KCNH7: variants seen among roughly 807,000 people sequenced by gnomAD.
KCNH7 encodes potassium voltage-gated channel subfamily H member 7.
Under a neutral mutation model 120.8 loss-of-function variants are expected in KCNH7, and 49 were observed. That is an observed-to-expected ratio of 0.41 (90% CI 0.32 to 0.51). The LOEUF (loss-of-function observed/expected upper bound fraction) is 0.51, where lower values mean the gene tolerates loss of function less well. KCNH7 is among the 20% of genes least tolerant of loss of function. The pLI is 0.38. For missense variants in KCNH7, 1,097 were observed against 1,446.6 expected, an observed-to-expected ratio of 0.76 and a Z score of 3.92; for synonymous variants, 547 against 516.1, an observed-to-expected ratio of 1.06 and a Z score of -0.81.
chr2:162,608,090 A>G (rs879643549), intron 2 of KCNH7, among the ~76,000 whole-genome samples: 1 of 152,120 alleles, frequency 6.6e-6, no homozygotes, highest in Non-Finnish European at 1.5e-5. Context: ...TTGCGGGTGT[A>G]CTTGGACTTT....
At chr2:162,807,269 A>C (rs1429871597) in intron 2 of KCNH7, among the ~76,000 whole-genome samples, 6 of 139,332 alleles carry the variant, frequency 4.3e-5, no homozygotes, top group Admixed American at 1.5e-4. Flanking sequence ...AAAAAAAAAA[A>C]AAAAAAAAAA....
intron 8 of KCNH7, among the ~76,000 whole-genome samples, chr2:162,425,720 A>G (rs897779056): frequency 5.3e-5 from 8 of 152,212 alleles, no homozygotes; most frequent in Non-Finnish European, 8.8e-5. Context: ...TACCTAAACC[A>G]TCACATGATC....
At chr2:162,628,241 A>G (rs1024628040) in intron 2 of KCNH7, among the ~76,000 whole-genome samples, 2 of 152,160 alleles carry the variant, frequency 1.3e-5, no homozygotes, top group Non-Finnish European at 2.9e-5. Flanking sequence ...GAAAAAGGAA[A>G]TTAGATTTAC....
At chr2:162,786,982 C>A (rs1683731997) in intron 2 of KCNH7, among the ~76,000 whole-genome samples, 1 of 152,316 alleles carries the variant, frequency 6.6e-6, no homozygotes, top group Admixed American at 6.5e-5. Context: ...ATCAACCTTC[C>A]CCGAAAACCA....
intron 2 of KCNH7, among the ~76,000 whole-genome samples, chr2:162,624,344 C>G (rs1297554488): frequency 6.6e-6 from 1 of 152,160 alleles, no homozygotes; most frequent in Non-Finnish European, 1.5e-5. Context: ...TCCACAGTTT[C>G]ATGCATCCAC....
chr2:162,710,021 CAG>C (rs1686865937), intron 2 of KCNH7, among the ~76,000 whole-genome samples: 1 of 151,948 alleles, frequency 6.6e-6, no homozygotes, highest in East Asian at 1.9e-4. Context: ...TCAAACAAGA[CAG>C]ATAAGAAAAA....
chr2:162,468,217 A>C (rs1480245216), intron 6 of KCNH7, among the ~76,000 whole-genome samples: 1 of 152,170 alleles, frequency 6.6e-6, no homozygotes, highest in African/African-American at 2.4e-5. Context: ...GAGTCTGATT[A>C]CTGGGCATCT....
At chr2:162,701,584 T>C (rs1197963401) in intron 2 of KCNH7, among the ~76,000 whole-genome samples, 3 of 152,172 alleles carry the variant, frequency 2.0e-5, no homozygotes, top group African/African-American at 7.2e-5. Flanking sequence ...CAGTGGGGCA[T>C]ATAACACATT....
chr2:162,410,129 C>T (rs556894278), intron 9 of KCNH7, among the ~76,000 whole-genome samples: 7 of 151,908 alleles, frequency 4.6e-5, no homozygotes, highest in Non-Finnish European at 7.4e-5. Context: ...CAAAGGAATT[C>T]GAGGCAAAAA....
chr2:162,630,235 A>G (rs1486037394), intron 2 of KCNH7, among the ~76,000 whole-genome samples: 2 of 152,116 alleles, frequency 1.3e-5, no homozygotes, highest in Admixed American at 6.6e-5. Context: ...ACAAAGTCCT[A>G]CAAATAGATA....
intron 2 of KCNH7, among the ~76,000 whole-genome samples, chr2:162,806,316 T>C (rs1684538297): frequency 6.6e-6 from 1 of 152,192 alleles, no homozygotes; most frequent in Non-Finnish European, 1.5e-5. Context: ...AGCTTTTCTC[T>C]CCATACGTCA....
At chr2:162,751,014 AAGTT>A (rs933470226) in intron 2 of KCNH7, among the ~76,000 whole-genome samples, 3 of 152,114 alleles carry the variant, frequency 2.0e-5, no homozygotes, top group Non-Finnish European at 2.9e-5. Context: ...CTTCTAGGCC[AAGTT>A]AAAAAAACCA....
At position 162,706,919 on chromosome 2, in the gene KCNH7, A is replaced by G. The variant is rs375554117; in HGVS notation, c.307+129618T>C. ...TGTGTAACTGAGAACTTTAATGAGT[A>G]CAATTGGAGCGGGGAGCTTTCTATT... On this transcript the variant is annotated intron_variant, in intron 2 of 15. Coordinates refer to ENST00000332142, the MANE Select transcript of KCNH7 (RefSeq NM_033272.4). Among the ~76,000 whole-genome samples the G allele has an allele frequency of 3.3e-5, 5 of 152,274 alleles. No homozygotes were observed. In the East Asian group the frequency reaches 9.6e-4, roughly 29 times the overall value.
At chr2:162,426,285 AT>A (rs1199543998) in intron 8 of KCNH7, among the ~76,000 whole-genome samples, 1 of 151,830 alleles carries the variant, frequency 6.6e-6, no homozygotes, top group Non-Finnish European at 1.5e-5. Context: ...TGACTTTTAA[AT>A]TATCATAAAG....
At chr2:162,749,612 T>A (rs1260069379) in intron 2 of KCNH7, among the ~76,000 whole-genome samples, 8 of 152,100 alleles carry the variant, frequency 5.3e-5, no homozygotes, top group Admixed American at 5.2e-4. Flanking sequence ...AATTTTAAAT[T>A]GTAAATTATG....
intron 9 of KCNH7, among the ~76,000 whole-genome samples, chr2:162,413,370 A>T (rs1160824072): frequency 1.3e-5 from 2 of 151,998 alleles, no homozygotes; most frequent in Non-Finnish European, 2.9e-5. Flanking sequence ...CAGGTGATCC[A>T]CCCGCTTTGG....
chr2:162,681,291 A>G (rs1383382651), intron 2 of KCNH7, among the ~76,000 whole-genome samples: 3 of 151,794 alleles, frequency 2.0e-5, no homozygotes, highest in Non-Finnish European at 4.4e-5. Flanking sequence ...ATGCAGTAGT[A>G]TAAATATACC....
At chr2:162,578,821 C>T (rs926505908) in intron 2 of KCNH7, among the ~76,000 whole-genome samples, 12 of 151,930 alleles carry the variant, frequency 7.9e-5, no homozygotes, top group Non-Finnish European at 1.5e-4. Flanking sequence ...GGAAAATGAA[C>T]ATCTTATGAG....
chr2:162,497,409 A>T (rs910085809), intron 6 of KCNH7, among the ~76,000 whole-genome samples: 1 of 152,108 alleles, frequency 6.6e-6, no homozygotes, highest in African/African-American at 2.4e-5. Context: ...TGGTATATAA[A>T]TTTAAACAAG....
Sources: gnomAD v4.1 joint callset for allele counts (sites outside exome capture counted in the v4.1 genomes callset) on GRCh38, gnomAD v4.1.1 for gene constraint, MANE v1.5 for transcripts, NCBI Gene and HGNC (gene_info 2026-07-23, HGNC 2026-07-21) for gene names.